Variants in HOOK2 observed in about 807,000 individuals in gnomAD.
HOOK2 encodes the protein protein Hook homolog 2.
Under a neutral mutation model 111.9 loss-of-function variants are expected in HOOK2, and 108 were observed. The observed-to-expected ratio is 0.96, with a 90% CI of 0.83 to 1.13. The LOEUF (loss-of-function observed/expected upper bound fraction) is 1.13, where lower values mean the gene tolerates loss of function less well. Ranked by LOEUF, HOOK2 falls within the 50% of genes most tolerant of loss-of-function variation. The pLI, the probability that HOOK2 is intolerant of heterozygous loss-of-function variation, is 0.00. For synonymous variants in HOOK2, 405 were observed against 394.3 expected (o/e 1.03, Z -0.32); for missense variants, 978 against 951.3 (o/e 1.03, Z -0.37).
chr19:12,791,750 C>G lies in HOOK2; in HGVS notation n.42-17525G>C, dbSNP rs1479974718. ...CGGAGCGGCCCCGCAGGGACCCTCC[C>G]CAGACCGCCTGGGCCGCCCGGATGT... On this transcript the variant is annotated intron_variant and non_coding_transcript_variant, in intron 3 of 3. Coordinates refer to the HOOK2 transcript ENST00000589765. This position sits in a 1 kb window ranked among gnomAD's most constrained non-coding sequence, Gnocchi z 7.0. The G allele has an allele frequency of 3.8e-6, 6 of 1,576,474 alleles. No individual in the cohort carries two copies. The South Asian group carries it at 6.9e-5, about 18-fold the overall frequency.
rs190030731 is a variant in HOOK2, at chr19:12,784,780, G to A, written n.42-10555C>T. 800 of 152,390 alleles carry A rather than the reference G, an allele frequency of 5.2e-3. 2 individuals are homozygous for A. The highest frequency in any genetic ancestry group is 8.0e-3 in the Non-Finnish European group (546 of 68,088). 9.4% of individuals were successfully genotyped at this position (152,390 alleles called of 1,614,324 possible). ...ATCAGATCCTGACACGCAAGAGAAGGCAACACACACACACCCCAGATCTCC... is the reference window on the plus strand; with the variant it reads ...ATCAGATCCTGACACGCAAGAGAAGACAACACACACACACCCCAGATCTCC... On this transcript the variant is annotated intron_variant and non_coding_transcript_variant, in intron 3 of 3. Coordinates refer to the HOOK2 transcript ENST00000589765.
chr19:12,782,518 T>A (rs924670730), upstream of HOOK2, among the ~76,000 whole-genome samples: 1 of 152,160 alleles, frequency 6.6e-6, no homozygotes, highest in African/African-American at 2.4e-5. Context: ...GGAGGCGCCC[T>A]CCCCGCGTTG....
In HOOK2 at chr19:12,791,485, T is replaced by G. The variant is rs1399810613; in HGVS notation, n.42-17260A>C. On this transcript the variant is annotated intron_variant and non_coding_transcript_variant, in intron 3 of 3. Coordinates refer to the HOOK2 transcript ENST00000589765. The surrounding 1 kb of genome is among the most constrained non-coding windows in gnomAD (Gnocchi z 7.0). ...AGGCGTGTGGCTCAGGCTGAGCGGC[T>G]GGGACCTTGAGAGCGGCCAGGCCAG... 1 of 375,564 alleles carries G rather than the reference T, an allele frequency of 2.7e-6. No homozygotes were observed. Among genetic ancestry groups the G allele is most frequent in the East Asian group, 4.7e-5 (1 of 21,096 alleles). The allele number at this position is 375,564 out of a possible 1,614,324, so 23.3% of individuals were successfully genotyped here. A position where few individuals can be genotyped will look rare whatever the true frequency, so the allele number is the denominator to read the frequency against.
chr19:12,766,187 G>A lies in HOOK2; in HGVS notation c.1427C>T (p.Ala476Val). 3.8e-6 allele frequency: 6 copies of A among 1,595,934 alleles called. No homozygotes were observed. Among genetic ancestry groups the A allele is most frequent in the Non-Finnish European group, 5.1e-6 (6 of 1,177,852 alleles). ...CTCCTCCTGCCGCTCCCGGTCGGCC[G>A]CCTCCTGCCTGCACAGCCGCTTGTT... Reference protein sequence around the residue: ...LENKRLCRQEAADRERQEELQ... With the variant: ...LENKRLCRQEVADRERQEELQ... The change falls in exon 15 of 23, where the codon GCG becomes GTG. Residue 476 changes from alanine to valine, a missense_variant. Around this residue, in one of 5 missense-constraint regions of HOOK2, gnomAD observed 388 missense variants for 358.3 expected, o/e 1.08. Coordinates refer to ENST00000397668, the MANE Select transcript of HOOK2 (RefSeq NM_013312.3).
chr19:12,783,349 C>G (rs949999827), upstream of HOOK2, among the ~76,000 whole-genome samples: 2 of 150,352 alleles, frequency 1.3e-5, no homozygotes, highest in Admixed American at 6.6e-5. Flanking sequence ...CCCCCACCCC[C>G]ACCCCTGCAA....
At position 12,789,206 on chromosome 19, in the gene HOOK2, A is replaced by G. The variant is rs577793320; in HGVS notation, n.42-14981T>C. ...GAGAGAGAGAGACAAAGAGAGAGAG[A>G]GAGAGACAGAGACAGAGACAGAGAC... On this transcript the variant is annotated intron_variant and non_coding_transcript_variant, in intron 3 of 3. Transcript: ENST00000589765. Among the ~76,000 whole-genome samples the G allele has an allele frequency of 6.0e-3, 906 of 151,070 alleles. 4 individuals carry two copies. Among genetic ancestry groups the G allele is most frequent in the Non-Finnish European group, 8.7e-3 (588 of 67,688 alleles).
At chr19:12,771,874 T>G in intron 7 of HOOK2, 2 of 268,874 alleles carry the variant, frequency 7.4e-6, no homozygotes, top group Non-Finnish European at 6.6e-6. Context: ...AGAGTGAGAC[T>G]CCATCTCAAA....
rs1417045305 is a variant in HOOK2, at chr19:12,775,547, C to T, written c.-98G>A. On this transcript the variant is annotated 5_prime_UTR_variant, in exon 1 of 23. Transcript: ENST00000397668. The stretch of plus-strand genomic sequence containing the variant: ...GCGCCCGCAGCCCCGACCTCCCGCT[C>T]GGCCTAGAGCGCCGCCCCGCCCCGC... 3.2e-6 allele frequency: 4 copies of T among 1,264,680 alleles called. No homozygotes were observed. Among genetic ancestry groups the T allele is most frequent in the Non-Finnish European group, 3.1e-6 (3 of 965,824 alleles). The allele number at this position is 1,264,680 out of a possible 1,614,324, so 78.3% of individuals were successfully genotyped here.
Position 12,772,237 on chromosome 19 carries a change from T to G in HOOK2, c.472A>C (p.Thr158Pro), listed in dbSNP as rs779675289. The G allele has an allele frequency of 6.2e-7, 1 of 1,613,756 alleles. No individual in the cohort carries two copies. Among genetic ancestry groups the G allele is most frequent in the Non-Finnish European group, 8.5e-7 (1 of 1,179,838 alleles). The stretch of plus-strand genomic sequence containing the variant: ...GTCTCTGGTGACAGGGAGTCAGGAG[T>G]GTCTTTGGTCATGAGCTGAGGAGTG... The part of the protein sequence containing the change: ...EAIQELMTKD[T>P]PDSLSPETYG... The change falls in exon 7 of 23, where the codon ACT becomes CCT. Residue 158 changes from threonine (T) to proline (P), a missense_variant. Physicochemically the swap from Thr to Pro is conservative, Grantham distance 38. Transcript: ENST00000397668.
chr19:12,779,763 G>A (rs1968579217), upstream of HOOK2, among the ~76,000 whole-genome samples: 1 of 151,922 alleles, frequency 6.6e-6, no homozygotes, highest in South Asian at 2.1e-4. Flanking sequence ...TGTGCAACAG[G>A]CTGTGCCTGA....
At chr19:12,779,668 C>T (rs1968577821), upstream of HOOK2, among the ~76,000 whole-genome samples, 1 of 152,022 alleles carries the variant, frequency 6.6e-6, no homozygotes, top group Non-Finnish European at 1.5e-5. Flanking sequence ...ATGTGCTGGT[C>T]TTTGTAGGTG....
At chr19:12,774,148 C>T (rs921972549) in intron 3 of HOOK2, 1 of 160,930 alleles carries the variant, frequency 6.2e-6, no homozygotes, top group African/African-American at 2.4e-5. Context: ...CTCTGTTGCC[C>T]AGGCTGGAGT....
chr19:12,782,282 C>G (rs1319286082), upstream of HOOK2, among the ~76,000 whole-genome samples: 1 of 152,250 alleles, frequency 6.6e-6, no homozygotes, highest in African/African-American at 2.4e-5. Context: ...GTCTGCGTCT[C>G]CATCCACGTG....
rs373017050 is a variant in HOOK2 at position 12,774,700 on chromosome 19, G to A, written c.173C>T (p.Ser58Leu). ...CTTCCAGTTGGGACCTGGATCTTCC[G>A]AGATGCCCTGGAGCCATGCCTCGTT... is the stretch of plus-strand genomic sequence containing the variant. ...WFNEAWLQGI[S>L]EDPGPNWKLK... Residue 58 changes from serine (S) to leucine (L), a missense_variant, in exon 3 of 23, where the codon TCG becomes TTG. By Grantham distance (145) the Ser-to-Leu change is moderately radical. Transcript: ENST00000397668. 9 of 1,614,140 alleles carry A rather than the reference G, an allele frequency of 5.6e-6. No homozygotes were observed. Among genetic ancestry groups the A allele is most frequent in the East Asian group, 4.5e-5 (2 of 44,878 alleles).
chr19:12,764,195 C>T (rs980638627), intron 20 of HOOK2, among the ~76,000 whole-genome samples: 3 of 150,728 alleles, frequency 2.0e-5, no homozygotes, highest in African/African-American at 2.4e-5. Context: ...TTCTATTTTT[C>T]GTAGAGACGG....
chr19:12,768,335 T>C (rs1184832503), intron 11 of HOOK2, among the ~76,000 whole-genome samples: 1 of 152,174 alleles, frequency 6.6e-6, no homozygotes, highest in Admixed American at 6.6e-5. Flanking sequence ...CCTCAAGCAG[T>C]CCTCCCACTT....
chr19:12,791,740 G>A lies in HOOK2; in HGVS notation n.42-17515C>T. Reference sequence around the variant, plus strand: ...CAGCGAGGCCCGGAGCGGCCCCGCAGGGACCCTCCCCAGACCGCCTGGGCC... The same window carrying A: ...CAGCGAGGCCCGGAGCGGCCCCGCAAGGACCCTCCCCAGACCGCCTGGGCC... On this transcript the variant is annotated intron_variant and non_coding_transcript_variant, in intron 3 of 3. Transcript: ENST00000589765. The surrounding 1 kb of genome is among the most constrained non-coding windows in gnomAD (Gnocchi z 7.0). The A allele has an allele frequency of 2.0e-6, 3 of 1,529,762 alleles. No homozygotes were observed. The highest frequency in any genetic ancestry group is 2.7e-6 in the Non-Finnish European group (3 of 1,127,442). 94.8% of individuals were successfully genotyped at this position (1,529,762 alleles called of 1,614,324 possible). A position where few individuals can be genotyped will look rare whatever the true frequency, so the allele number is the denominator to read the frequency against.
At chr19:12,780,764 G>A (rs1403509943), upstream of HOOK2, among the ~76,000 whole-genome samples, 1 of 110,500 alleles carries the variant, frequency 9.0e-6, no homozygotes, top group Admixed American at 9.3e-5. Flanking sequence ...GGATCAGGAG[G>A]TCAGGAGATC....
In HOOK2 at chr19:12,774,697, T is replaced by G. The variant is rs769633740; in HGVS notation, c.176A>C (p.Glu59Ala). The G allele has an allele frequency of 1.2e-5, 19 of 1,614,052 alleles. No homozygotes were observed. The highest frequency in any genetic ancestry group is 1.5e-5 in the Non-Finnish European group (18 of 1,180,026). ...CAGCTTCCAGTTGGGACCTGGATCTTCCGAGATGCCCTGGAGCCATGCCTC... is the reference window on the plus strand; with the variant it reads ...CAGCTTCCAGTTGGGACCTGGATCTGCCGAGATGCCCTGGAGCCATGCCTC... ...FNEAWLQGIS[E>A]DPGPNWKLKV... is the part of the protein sequence containing the mutation. The change falls in exon 3 of 23, where the codon GAA (glutamate) becomes GCA (alanine). Residue 59 changes from glutamate to alanine, a missense_variant. Glu to Ala is a moderately radical substitution (Grantham distance 107, BLOSUM62 -1). This residue lies in a region of HOOK2 where 301 missense variants were observed against 286.1 expected (regional missense o/e 1.05). Coordinates refer to ENST00000397668, the MANE Select transcript of HOOK2 (RefSeq NM_013312.3).
Sources: allele counts gnomAD v4.1 joint callset (sites outside exome capture counted in the v4.1 genomes callset), GRCh38; gene constraint gnomAD v4.1.1; regional missense constraint gnomAD v4.1.1; non-coding constraint Gnocchi (gnomAD v3.1); transcripts MANE v1.5; gene names NCBI Gene and HGNC (gene_info 2026-07-23, HGNC 2026-07-21).